Variants in LAMA1 observed in about 807,000 individuals in gnomAD.
The protein encoded by LAMA1 is laminin subunit alpha-1.
A neutral mutation model predicts 348.7 loss-of-function variants in LAMA1; 219 were observed. That is an observed-to-expected ratio of 0.63 (90% CI 0.56 to 0.70). LAMA1 has a LOEUF of 0.70. LAMA1 is among the 30% of genes least tolerant of loss of function. The pLI is 0.00. For synonymous variants in LAMA1, 1,487 were observed against 1,491.0 expected, an observed-to-expected ratio of 1.00 and a Z score of 0.06; for missense variants, 3,744 against 3,888.0, an observed-to-expected ratio of 0.96 and a Z score of 0.99.
intron 6 of LAMA1, 120 bp from the exon 7 acceptor site, chr18:7,044,959 T>C (rs1260855164): frequency 1.3e-6 from 1 of 799,494 alleles, no homozygotes; most frequent in Non-Finnish European, 2.2e-6. Flanking sequence ...AGAGGATATA[T>C]GATTATCATC....
At chr18:6,995,302 G>T in intron 34 of LAMA1, 55 bp downstream of exon 34, 1 of 1,199,578 alleles carries the variant, frequency 8.3e-7, no homozygotes, top group Admixed American at 1.7e-5. Flanking sequence ...AACTGCTCAG[G>T]AGGGCTGATG....
intron 1 of LAMA1, among the ~76,000 whole-genome samples, chr18:7,088,492 T>C (rs1055655386): frequency 1.9e-4 from 29 of 152,186 alleles, no homozygotes; most frequent in African/African-American, 6.0e-4. Flanking sequence ...CTAACTTTTT[T>C]TGTTTTAAAA....
At chr18:6,966,649 AT>A (rs928418233) in intron 48 of LAMA1, among the ~76,000 whole-genome samples, 5 of 152,036 alleles carry the variant, frequency 3.3e-5, no homozygotes, top group African/African-American at 1.2e-4. Context: ...TGCCTTCAGA[AT>A]AATTTTTATA....
intron 32 of LAMA1, among the ~76,000 whole-genome samples, chr18:6,998,556 G>A (rs2057793127): frequency 6.6e-6 from 1 of 152,140 alleles, no homozygotes; most frequent in African/African-American, 2.4e-5. Flanking sequence ...AAGGACACTG[G>A]AGAGAATAGT....
At chr18:7,049,020 C>T in intron 5 of LAMA1, 58 bp downstream of exon 5, 3 of 1,508,910 alleles carry the variant, frequency 2.0e-6, no homozygotes. Flanking sequence ...AATAATAGTT[C>T]CTTTAAATAA....
At chr18:7,005,124 G>A (rs2057826341) in intron 29 of LAMA1, among the ~76,000 whole-genome samples, 1 of 152,192 alleles carries the variant, frequency 6.6e-6, no homozygotes, top group African/African-American at 2.4e-5. Context: ...CACTCCATCT[G>A]GCCTCCAGGC....
chr18:7,003,553 C>T (rs555579), intron 29 of LAMA1, among the ~76,000 whole-genome samples: 64,382 of 151,994 alleles, frequency 0.42, 15,245 homozygotes, highest in African/African-American at 0.64. Context: ...CCACCGTGCC[C>T]GGCCAAAAAG....
At chr18:7,111,649 C>T (rs7240089) in intron 1 of LAMA1, among the ~76,000 whole-genome samples, 14,260 of 152,224 alleles carry the variant, frequency 0.094, 1,650 homozygotes, top group African/African-American at 0.28. Context: ...AAGGGTTTTT[C>T]CTCCTCGTTA....
At chr18:6,949,291 G>T in intron 58 of LAMA1, 32 bp from the exon 59 acceptor site, 2 of 1,611,112 alleles carry the variant, frequency 1.2e-6, no homozygotes, top group East Asian at 2.2e-5. Context: ...CATAATTTTT[G>T]AGGAATCTGA....
At chr18:6,966,939 C>T (rs979584862) in intron 48 of LAMA1, among the ~76,000 whole-genome samples, 3 of 152,168 alleles carry the variant, frequency 2.0e-5, no homozygotes, top group African/African-American at 7.2e-5. Flanking sequence ...ACTTGACTCA[C>T]TATTCAATCG....
At chr18:6,951,935 C>T (rs1001171438) in intron 57 of LAMA1, among the ~76,000 whole-genome samples, 2 of 152,150 alleles carry the variant, frequency 1.3e-5, no homozygotes, top group Admixed American at 6.5e-5. Context: ...GGGAAGCCTG[C>T]GAATTCCATT....
chr18:6,944,385 C>A (rs2143961724), intron 61 of LAMA1, among the ~76,000 whole-genome samples: 1 of 152,298 alleles, frequency 6.6e-6, no homozygotes, highest in East Asian at 1.9e-4. Flanking sequence ...TGTAGATGCT[C>A]TCCCACAGCA....
At position 7,038,892 on chromosome 18, in the gene LAMA1, T is replaced by C; in HGVS notation, c.1481A>G (p.Glu494Gly). ...RCKPGFYNLK[E>G]KNPRGCSECF... ...CTCGGAGCAGCCCCGGGGGTTTTTT[T>C]CCTTCAAGTTATAGAATCCTGGCTT... Residue 494 changes from glutamate (E) to glycine (G), a missense_variant, in exon 11 of 63, where the codon GAA (glutamate) becomes GGA (glycine). By Grantham distance (98) the Glu-to-Gly change is moderately conservative. Transcript: ENST00000389658. 5 of 1,614,156 alleles carry C rather than the reference T, an allele frequency of 3.1e-6. No individual in the cohort carries two copies. Among genetic ancestry groups the C allele is most frequent in the Non-Finnish European group, 4.2e-6 (5 of 1,179,982 alleles).
rs761368725 is a variant in LAMA1 at position 6,950,736 on chromosome 18, G to A, written c.8397+46C>T. 5 of 1,600,076 alleles carry A rather than the reference G, an allele frequency of 3.1e-6. No individual in the cohort carries two copies. The South Asian group carries it at 3.3e-5, about 11-fold the overall frequency. On this transcript the variant is annotated intron_variant, in intron 58 of 62. Transcript: ENST00000389658. ...AATGGAGTGAACCCGAGTGATAGAT[G>A]GAACAGAACTCAGAAGCAGCCACCA...
intron 1 of LAMA1, among the ~76,000 whole-genome samples, chr18:7,092,349 T>C (rs957907205): frequency 4.6e-5 from 7 of 152,212 alleles, no homozygotes; most frequent in Admixed American, 6.5e-5. Context: ...TCACTAAGAA[T>C]GCCGGCTGGG....
At chr18:7,073,188 T>A (rs2058153040) in intron 3 of LAMA1, among the ~76,000 whole-genome samples, 1 of 152,158 alleles carries the variant, frequency 6.6e-6, no homozygotes, top group African/African-American at 2.4e-5. Flanking sequence ...GCTTCCATAT[T>A]CCTGACTGAC....
In LAMA1 at chr18:6,999,948, C is replaced by T. The variant is rs372497706; in HGVS notation, c.4432G>A (p.Ala1478Thr). 1.0e-4 allele frequency: 161 copies of T among 1,614,080 alleles called. No homozygotes were observed. The highest frequency in any genetic ancestry group is 1.3e-4 in the Non-Finnish European group (148 of 1,179,946). ...LEGDHDFRCD[A>T]CLLGYEGKHC... ...TTTCCTTCATAGCCCAGGAGACAGG[C>T]GTCACAACGGAAATCGTGGTCCCCT... The change falls in exon 31 of 63, where the codon GCC becomes ACC. Residue 1478 changes from alanine (A) to threonine (T), a missense_variant. Around this residue, in one of 3 missense-constraint regions of LAMA1, gnomAD observed 1,983 missense variants for 1,934.3 expected, o/e 1.03. Transcript: ENST00000389658.
At chr18:7,002,833 CACT>C (rs1175304791) in intron 29 of LAMA1, among the ~76,000 whole-genome samples, 3 of 151,830 alleles carry the variant, frequency 2.0e-5, no homozygotes, top group Non-Finnish European at 4.4e-5. Flanking sequence ...TTTAGAGCAC[CACT>C]GATAGATTAC....
chr18:7,014,159 G>T (rs1317974907), intron 22 of LAMA1, 108 bp from the exon 23 acceptor site: 4 of 870,534 alleles, frequency 4.6e-6, no homozygotes, highest in Non-Finnish European at 7.5e-6. Flanking sequence ...TTCTACAAAT[G>T]AACCATCTCT....
Sources: gnomAD v4.1 joint callset for allele counts (sites outside exome capture counted in the v4.1 genomes callset) on GRCh38, gnomAD v4.1.1 for gene constraint, gnomAD v4.1.1 regional missense constraint, MANE v1.5 for transcripts, NCBI Gene and HGNC (gene_info 2026-07-23, HGNC 2026-07-21) for gene names.